Variants in DNAH9 observed in about 807,000 individuals in gnomAD.
DNAH9 encodes the protein dynein axonemal heavy chain 9, also known as DNAH9 variant protein.
A neutral mutation model predicts 471.6 loss-of-function variants in DNAH9; 345 were observed. The ratio of observed to expected loss-of-function variants is 0.73; its 90% CI spans 0.67 to 0.80. The LOEUF is 0.80. Among genes scored for constraint, DNAH9 ranks in the 30% least tolerant of loss-of-function variants. The pLI is 0.00. For missense variants in DNAH9, 5,407 were observed against 5,609.2 expected (o/e 0.96, Z 1.15); for synonymous variants, 2,093 against 2,123.6 (o/e 0.99, Z 0.40).
chr17:11,598,481 A>T lies in DNAH9; in HGVS notation c.-18A>T. On this transcript the variant is annotated 5_prime_UTR_variant, in exon 1 of 69. Coordinates refer to ENST00000262442, the MANE Select transcript of DNAH9 (RefSeq NM_001372.4). ...TCCCCGTCGCTAGGGAAACCGATGC[A>T]GCTGGAGGCCGCGCGCGATGCGGCT... 7.4e-7 allele frequency: 1 copy of T among 1,353,496 alleles called. No homozygotes were observed. Among genetic ancestry groups the T allele is most frequent in the Non-Finnish European group, 9.4e-7 (1 of 1,059,532 alleles). The allele number at this position is 1,353,496 out of a possible 1,614,324, so 83.8% of individuals were successfully genotyped here.
intron 59 of DNAH9, among the ~76,000 whole-genome samples, chr17:11,897,209 G>A (rs1973251345): frequency 6.6e-6 from 1 of 152,166 alleles, no homozygotes; most frequent in Non-Finnish European, 1.5e-5. Flanking sequence ...TTTATACTAA[G>A]CCTTTGAAAT....
intron 67 of DNAH9, among the ~76,000 whole-genome samples, chr17:11,944,723 G>T (rs561450504): frequency 6.6e-6 from 1 of 152,248 alleles, no homozygotes; most frequent in African/African-American, 2.4e-5. Context: ...AGACTCTCCA[G>T]AAGTTTTATC....
chr17:11,615,302 C>T (rs989726409), intron 4 of DNAH9, among the ~76,000 whole-genome samples: 2 of 152,034 alleles, frequency 1.3e-5, no homozygotes, highest in African/African-American at 2.4e-5. Flanking sequence ...GGTATGAGCT[C>T]GGCTGGGCAC....
In DNAH9 at chr17:11,918,205, TTTTTGTTTTGTTTTG is replaced by T. The variant is rs200370741; in HGVS notation, c.11750-5578_11750-5564del. On this transcript the variant is annotated intron_variant, in intron 61 of 68. Coordinates refer to ENST00000262442, the MANE Select transcript of DNAH9 (RefSeq NM_001372.4). ...TTTTTCTTGTATTTGGTTGGGTGTT[TTTTTGTTTTGTTTTG>T]TTTTGTTTTGTTTTGTTTTGTTTTG... Among the ~76,000 whole-genome samples, 228 of 147,888 alleles carry T rather than the reference TTTTTGTTTTGTTTTG, an allele frequency of 1.5e-3. 1 individual carries two copies. The highest frequency in any genetic ancestry group is 4.6e-3 in the African/African-American group (183 of 39,940).
intron 14 of DNAH9, among the ~76,000 whole-genome samples, chr17:11,653,645 CA>C (rs1246363077): frequency 6.6e-6 from 1 of 152,204 alleles, no homozygotes; most frequent in Non-Finnish European, 1.5e-5. Context: ...TGGAAAGTCA[CA>C]AGTGAATCAC....
At chr17:11,686,771 T>G (rs964610375) in intron 19 of DNAH9, among the ~76,000 whole-genome samples, 2 of 152,238 alleles carry the variant, frequency 1.3e-5, no homozygotes, top group African/African-American at 4.8e-5. Context: ...GAAGAATGGT[T>G]AGCAAGATAA....
intron 50 of DNAH9, among the ~76,000 whole-genome samples, chr17:11,856,588 C>A (rs2150972675): frequency 6.6e-6 from 1 of 150,730 alleles, no homozygotes; most frequent in Non-Finnish European, 1.5e-5. Context: ...CACCTGTAGT[C>A]CCAGCTACTT....
At chr17:11,772,276 CAG>C (rs1048316120) in intron 38 of DNAH9, among the ~76,000 whole-genome samples, 2 of 151,524 alleles carry the variant, frequency 1.3e-5, no homozygotes, top group Middle Eastern at 3.4e-3. Flanking sequence ...TAAAATTAAA[CAG>C]AAAAAGTGAT....
intron 11 of DNAH9, among the ~76,000 whole-genome samples, chr17:11,645,106 A>C (rs1264780550): frequency 1.3e-5 from 2 of 152,208 alleles, no homozygotes; most frequent in Non-Finnish European, 2.9e-5. Flanking sequence ...AAGAGTGAAA[A>C]TTTTATATGA....
At chr17:11,769,051 C>T (rs1170913744) in intron 37 of DNAH9, 71 bp from the exon 38 acceptor site, 17 of 1,528,912 alleles carry the variant, frequency 1.1e-5, no homozygotes, top group African/African-American at 5.4e-5. Flanking sequence ...TGAAATGCTT[C>T]GGAACGCCGC....
Position 11,783,543 on chromosome 17 carries a change from C to G in DNAH9, c.7719-103C>G. Reference sequence around the variant, plus strand: ...CCGGTGGATCTAGACTTTTTTATCACCCAAACACATGAACAGTAGGGCACA... The same window carrying G: ...CCGGTGGATCTAGACTTTTTTATCAGCCAAACACATGAACAGTAGGGCACA... On this transcript the variant is annotated intron_variant, in intron 39 of 68. Transcript: ENST00000262442. 3 of 768,336 alleles carry G rather than the reference C, an allele frequency of 3.9e-6. No homozygotes were observed. In the South Asian group the frequency reaches 6.0e-5, roughly 15 times the overall value. 47.6% of individuals were successfully genotyped at this position (768,336 alleles called of 1,614,324 possible). A position where few individuals can be genotyped will look rare whatever the true frequency, so the allele number is the denominator to read the frequency against.
At chr17:11,851,084 T>C (rs1487325447) in intron 49 of DNAH9, among the ~76,000 whole-genome samples, 1 of 127,508 alleles carries the variant, frequency 7.8e-6, no homozygotes. Flanking sequence ...GTCGTTTAAA[T>C]TGAGGTTGTT....
intron 27 of DNAH9, among the ~76,000 whole-genome samples, chr17:11,722,708 A>C (rs1463317994): frequency 6.6e-6 from 1 of 152,178 alleles, no homozygotes. Flanking sequence ...AACAGCGCAA[A>C]GACTTGAAGC....
At chr17:11,696,049 T>C (rs1332742896) in intron 22 of DNAH9, among the ~76,000 whole-genome samples, 1 of 152,218 alleles carries the variant, frequency 6.6e-6, no homozygotes, top group African/African-American at 2.4e-5. Context: ...GATGTATCCT[T>C]GCCTCCTCTG....
chr17:11,598,678 G>C lies in DNAH9; in HGVS notation c.180G>C (p.Leu60=), dbSNP rs76135167. 2.2e-6 allele frequency: 3 copies of C among 1,365,858 alleles called. No homozygotes were observed. Among genetic ancestry groups the C allele is most frequent in the Non-Finnish European group, 2.8e-6 (3 of 1,065,918 alleles). The allele number at this position is 1,365,858 out of a possible 1,614,324, so 84.6% of individuals were successfully genotyped here. The change falls in exon 1 of 69, where the codon CTG becomes CTC. Residue 60 remains leucine, a synonymous_variant. Transcript: ENST00000262442. The part of the protein sequence containing the change: ...AEAEQLLQAF[L]GRDAAEGPRP... ...CGGAGCAGCTGCTCCAGGCCTTCCT[G>C]GGCCGCGATGCTGCCGAGGGGCCGC...
intron 48 of DNAH9, among the ~76,000 whole-genome samples, chr17:11,827,996 T>C (rs1049098287): frequency 2.0e-5 from 3 of 152,192 alleles, no homozygotes; most frequent in Admixed American, 6.5e-5. Context: ...AAGATCACTA[T>C]TGGCTCTGAC....
At chr17:11,682,299 G>A (rs1366170723) in intron 19 of DNAH9, among the ~76,000 whole-genome samples, 1 of 151,258 alleles carries the variant, frequency 6.6e-6, no homozygotes, top group East Asian at 2.0e-4. Context: ...CACCCAGGCT[G>A]GAGTGCAGCA....
Position 11,937,346 on chromosome 17 carries a change from T to C in DNAH9, c.12490-6T>C, listed in dbSNP as rs1974746530. ...CTTTTTAAGTGAGCTTGCCCTTGAT[T>C]TTCAGTACATCGATGCTGAGCTGCC... On this transcript the variant is annotated splice_polypyrimidine_tract_variant and splice_region_variant and intron_variant, in intron 65 of 68. Transcript: ENST00000262442. This position sits in a 1 kb window ranked among gnomAD's most constrained non-coding sequence, Gnocchi z 4.1. 1 of 1,595,746 alleles carries C rather than the reference T, an allele frequency of 6.3e-7. No homozygotes were observed. The highest frequency in any genetic ancestry group is 1.8e-5 in the Admixed American group (1 of 56,736).
chr17:11,830,401 C>T (rs1970645455), intron 48 of DNAH9, among the ~76,000 whole-genome samples: 2 of 152,176 alleles, frequency 1.3e-5, no homozygotes, highest in Non-Finnish European at 2.9e-5. Context: ...AGGACTCAAT[C>T]CACACATCTG....
Sources: allele counts gnomAD v4.1 joint callset (sites outside exome capture counted in the v4.1 genomes callset), GRCh38; gene constraint gnomAD v4.1.1; non-coding constraint Gnocchi (gnomAD v3.1); transcripts MANE v1.5; gene names NCBI Gene and HGNC (gene_info 2026-07-23, HGNC 2026-07-21).